Variants in ORC4 observed in about 807,000 individuals in gnomAD.
ORC4 encodes the protein origin recognition complex subunit 4, also known as origin recognition complex, subunit 4 homolog.
Under a neutral mutation model 63.9 loss-of-function variants are expected in ORC4, and 55 were observed. That is an observed-to-expected ratio of 0.86 (90% CI 0.69 to 1.08). The LOEUF (loss-of-function observed/expected upper bound fraction) is 1.08, where lower values mean the gene tolerates loss of function less well. ORC4 is among the 50% of genes least tolerant of loss of function. The pLI is 0.00. For missense variants in ORC4, 511 were observed against 504.4 expected (o/e 1.01, Z -0.13); for synonymous variants, 150 against 168.5 (o/e 0.89, Z 0.85).
chr2:148,011,394 G>A (rs908098624), intron 1 of ORC4, among the ~76,000 whole-genome samples: 2 of 152,128 alleles, frequency 1.3e-5, no homozygotes, highest in Non-Finnish European at 2.9e-5. Context: ...TTCAATAGAT[G>A]CCAAAAAAAT....
At chr2:148,005,656 CAAAAAAAA>C (rs55869341) in intron 1 of ORC4, among the ~76,000 whole-genome samples, 16 of 51,490 alleles carry the variant, frequency 3.1e-4, no homozygotes, top group Admixed American at 5.3e-4. Flanking sequence ...ACTATCCATG[CAAAAAAAA>C]AAAAAAAAAA....
intron 7 of ORC4, among the ~76,000 whole-genome samples, chr2:147,952,866 A>C (rs952074965): frequency 1.3e-4 from 19 of 150,372 alleles, no homozygotes; most frequent in Admixed American, 2.0e-4. Flanking sequence ...ATCTCTACTA[A>C]AAATACAAAA....
At chr2:147,994,445 A>G (rs1691809058) in intron 1 of ORC4, among the ~76,000 whole-genome samples, 3 of 152,220 alleles carry the variant, frequency 2.0e-5, no homozygotes, top group Admixed American at 6.5e-5. Context: ...ACTTCAAGAC[A>G]TTATAAAACT....
chr2:148,005,040 G>A (rs1024084595), intron 1 of ORC4, among the ~76,000 whole-genome samples: 4 of 152,136 alleles, frequency 2.6e-5, no homozygotes, highest in African/African-American at 7.2e-5. Context: ...ATTTGACCCA[G>A]CAATCCCATT....
rs944072600 is a variant in ORC4 at position 148,020,645 on chromosome 2, G to A, written c.-30C>T. 3 of 152,566 alleles carry A rather than the reference G, an allele frequency of 2.0e-5. No individual in the cohort carries two copies. The highest frequency in any genetic ancestry group is 7.2e-5 in the African/African-American group (3 of 41,538). 9.5% of individuals were successfully genotyped at this position (152,566 alleles called of 1,614,324 possible). ...AGCCTGCATTTACCAGGTCAAAGAG[G>A]GGAACCAACGCCTGCAGGAATCGCT... is the stretch of plus-strand genomic sequence containing the variant. On this transcript the variant is annotated 5_prime_UTR_variant, in exon 1 of 14. Transcript: ENST00000392857.
intron 1 of ORC4, among the ~76,000 whole-genome samples, chr2:147,986,814 C>CACA (rs397986185): frequency 2.7e-5 from 4 of 150,734 alleles, no homozygotes; most frequent in African/African-American, 7.3e-5. Context: ...CACACACACA[C>CACA]TAGTGACCTT....
At chr2:147,963,537 A>G (rs777439953) in intron 4 of ORC4, among the ~76,000 whole-genome samples, 25 of 152,110 alleles carry the variant, frequency 1.6e-4, no homozygotes, top group Admixed American at 7.2e-4. Context: ...GTATCCCTAC[A>G]CCTCTGTTGG....
Position 147,939,698 on chromosome 2 carries a change from T to C in ORC4, c.850-450A>G, listed in dbSNP as rs1370117407. 3.3e-5 allele frequency among the ~76,000 whole-genome samples: 5 copies of C among 152,096 alleles called. 1 individual carries two copies. Among genetic ancestry groups the C allele is most frequent in the Admixed American group, 2.0e-4 (3 of 15,232 alleles). On this transcript the variant is annotated intron_variant, in intron 10 of 13. Transcript: ENST00000392857. ...CAGAAGTTAGCTGTTTTATGTTCAA[T>C]TGTACAAAAAAGAAAAGAAAATAGC...
chr2:147,943,550 A>C, intron 9 of ORC4, 28 bp from the exon 10 acceptor site: 1 of 1,326,144 alleles, frequency 7.5e-7, no homozygotes, highest in Non-Finnish European at 1.1e-6. Flanking sequence ...AAAAAAGCCA[A>C]AATTGAGGAA....
Position 147,939,160 on chromosome 2 carries a change from G to A in ORC4, c.938C>T (p.Ser313Leu), listed in dbSNP as rs752102540. 10 of 1,607,848 alleles carry A rather than the reference G, an allele frequency of 6.2e-6. No homozygotes were observed. The highest frequency in any genetic ancestry group is 2.2e-5 in the East Asian group (1 of 44,812). Reference sequence around the variant, plus strand: ...CTCACCATGTACAATATTTGCTTTCGAGTCCATGCTACACAGTTGGCTTGC... The same window carrying A: ...CTCACCATGTACAATATTTGCTTTCAAGTCCATGCTACACAGTTGGCTTGC... ...MEASQLCSMD[S>L]KANIVHGLSV... Residue 313 changes from serine (S) to leucine (L), a missense_variant, in exon 11 of 14, where the codon TCG becomes TTG. Ser to Leu is a moderately radical substitution (Grantham distance 145). Coordinates refer to ENST00000392857, the MANE Select transcript of ORC4 (RefSeq NM_181741.4).
chr2:147,939,105 A>C, intron 11 of ORC4, 35 bp downstream of exon 11: 1 of 1,303,636 alleles, frequency 7.7e-7, no homozygotes. Context: ...AAAGTTTTAA[A>C]AACCACAATT....
At chr2:147,936,524 C>A (rs952518519) in intron 13 of ORC4, 1 of 151,974 alleles carries the variant, frequency 6.6e-6, no homozygotes, top group Non-Finnish European at 1.5e-5. Flanking sequence ...CTGTAAAAAA[C>A]ATCACTGGAA....
chr2:147,986,055 T>G (rs1006804342), intron 1 of ORC4, among the ~76,000 whole-genome samples: 19 of 152,222 alleles, frequency 1.2e-4, no homozygotes, highest in Non-Finnish European at 2.6e-4. Flanking sequence ...AACAATTCAC[T>G]TCTCTTTGAA....
chr2:147,990,430 A>T (rs1245454518), intron 1 of ORC4, among the ~76,000 whole-genome samples: 1 of 152,216 alleles, frequency 6.6e-6, no homozygotes, highest in Admixed American at 6.5e-5. Flanking sequence ...GGTAAAGATT[A>T]AAATAGAGTT....
intron 4 of ORC4, among the ~76,000 whole-genome samples, chr2:147,961,575 T>C (rs897805779): frequency 6.6e-6 from 1 of 152,188 alleles, no homozygotes; most frequent in African/African-American, 2.4e-5. Context: ...ATTACAAAAG[T>C]AGCACAAGTC....
chr2:148,009,341 C>A (rs1203198083), intron 1 of ORC4, among the ~76,000 whole-genome samples: 2 of 152,008 alleles, frequency 1.3e-5, no homozygotes, highest in African/African-American at 4.8e-5. Flanking sequence ...GGACTAAATT[C>A]TTCACTATAA....
chr2:147,984,681 T>A (rs770421346), intron 1 of ORC4, among the ~76,000 whole-genome samples: 53 of 152,232 alleles, frequency 3.5e-4, no homozygotes, highest in Non-Finnish European at 5.3e-4. Flanking sequence ...GGACAAAAAT[T>A]ATAGGAATTG....
intron 1 of ORC4, among the ~76,000 whole-genome samples, chr2:147,996,770 A>C (rs1692000205): frequency 6.6e-6 from 1 of 152,228 alleles, no homozygotes; most frequent in Admixed American, 6.5e-5. Context: ...ACTAGTGAGA[A>C]GGTAGAGCAA....
intron 1 of ORC4, among the ~76,000 whole-genome samples, chr2:148,016,413 C>T (rs1693291463): frequency 6.6e-6 from 1 of 152,180 alleles, no homozygotes; most frequent in Admixed American, 6.5e-5. Flanking sequence ...CAATGAGATG[C>T]ACTTAAAACT....
Sources: allele counts gnomAD v4.1 joint callset (sites outside exome capture counted in the v4.1 genomes callset), GRCh38; gene constraint gnomAD v4.1.1; transcripts MANE v1.5; gene names NCBI Gene and HGNC (gene_info 2026-07-23, HGNC 2026-07-21).